FARP1: variants seen among roughly 807,000 people sequenced by gnomAD.
The protein encoded by FARP1 is FERM, ARH/RhoGEF and pleckstrin domain protein 1.
A neutral mutation model predicts 128.8 loss-of-function variants in FARP1; 52 were observed. The observed-to-expected ratio is 0.40, with a 90% confidence interval of 0.32 to 0.51. FARP1 has a LOEUF of 0.51. FARP1 is among the 20% of genes least tolerant of loss of function. The pLI is 0.45. For synonymous variants in FARP1, 580 were observed against 551.8 expected (o/e 1.05, Z -0.72); for missense variants, 1,333 against 1,367.9 (o/e 0.97, Z 0.40).
intron 3 of FARP1, among the ~76,000 whole-genome samples, chr13:98,360,419 G>T (rs1689871995): frequency 6.6e-6 from 1 of 152,054 alleles, no homozygotes; most frequent in South Asian, 2.1e-4. Context: ...TTAAGTTAAA[G>T]CGAGGCCCTT....
rs1348590930 is a variant in FARP1 at position 98,256,954 on chromosome 13, T to G, written c.171+43541T>G. On this transcript the variant is annotated intron_variant, in intron 2 of 26. Transcript: ENST00000319562. ...TTTTCAAAGTATATATGTGGATATATATATATATATATATATATATATATA... is the reference window on the plus strand; with the variant it reads ...TTTTCAAAGTATATATGTGGATATAGATATATATATATATATATATATATA... Among the ~76,000 whole-genome samples, 10 of 53,392 alleles carry G rather than the reference T, an allele frequency of 1.9e-4. No homozygotes were observed. The East Asian group carries it at 2.9e-3, about 15-fold the overall frequency. 35.0% of individuals were successfully genotyped at this position (53,392 alleles called of 152,430 possible).
chr13:98,192,701 TCTA>T (rs1879317448), intron 1 of FARP1, among the ~76,000 whole-genome samples: 1 of 152,114 alleles, frequency 6.6e-6, no homozygotes, highest in African/African-American at 2.4e-5. Context: ...GACTTGTTAT[TCTA>T]CTTTCAAAAA....
intron 2 of FARP1, chr13:98,244,856 A>G (rs2139463459): frequency 6.9e-7 from 1 of 1,447,918 alleles, no homozygotes; most frequent in Non-Finnish European, 9.0e-7. Context: ...ATGTGATCTC[A>G]GATACGTGAA....
chr13:98,152,121 C>T (rs1448051230), intron 1 of FARP1, among the ~76,000 whole-genome samples: 1 of 152,176 alleles, frequency 6.6e-6, no homozygotes, highest in Non-Finnish European at 1.5e-5. Flanking sequence ...AAGGGGCTCC[C>T]AGTTCATGTC....
At chr13:98,295,105 AT>A in intron 2 of FARP1, among the ~76,000 whole-genome samples, 1 of 25,496 alleles carries the variant, frequency 3.9e-5, no homozygotes, top group South Asian at 1.2e-3. Context: ...ACACACACAC[AT>A]ATATCCCCAG....
intron 1 of FARP1, among the ~76,000 whole-genome samples, chr13:98,207,360 A>G (rs539942198): frequency 6.6e-6 from 1 of 152,162 alleles, no homozygotes; most frequent in Non-Finnish European, 1.5e-5. Context: ...AGGTGCTAAA[A>G]ATTAGAATAT....
chr13:98,337,330 C>T (rs1342846533), intron 2 of FARP1, among the ~76,000 whole-genome samples: 2 of 152,178 alleles, frequency 1.3e-5, no homozygotes, highest in South Asian at 2.1e-4. Context: ...TACAGTGGTG[C>T]CACTGCACTC....
At position 98,143,248 on chromosome 13, in the gene FARP1, A is replaced by C. The variant is rs1339709724; in HGVS notation, c.-268A>C. ...CGCTGGCCCCGGCGTCGAGGCGGCC[A>C]TGGCGACCCGGAGCCCGCTCCCCAC... is the stretch of plus-strand genomic sequence containing the variant. On this transcript the variant is annotated 5_prime_UTR_variant, in exon 1 of 27. An upstream start codon of the reference 5' UTR is lost. Transcript: ENST00000319562. The C allele has an allele frequency of 3.4e-5, 5 of 148,358 alleles. No homozygotes were observed. The highest frequency in any genetic ancestry group is 6.7e-5 in the Admixed American group (1 of 14,956). The allele number at this position is 148,358 out of a possible 1,614,324, so 9.2% of individuals were successfully genotyped here. A position where few individuals can be genotyped will look rare whatever the true frequency, so the allele number is the denominator to read the frequency against.
chr13:98,191,378 GTGT>G (rs1012137527), intron 1 of FARP1, among the ~76,000 whole-genome samples: 17 of 152,326 alleles, frequency 1.1e-4, no homozygotes, highest in African/African-American at 4.1e-4. Flanking sequence ...CTTGTTCATA[GTGT>G]TGTTAAGCTT....
At chr13:98,184,476 T>C (rs1207948216) in intron 1 of FARP1, among the ~76,000 whole-genome samples, 1 of 152,224 alleles carries the variant, frequency 6.6e-6, no homozygotes, top group Non-Finnish European at 1.5e-5. Context: ...TGTAGGAGGT[T>C]ATTTGATTTT....
intron 2 of FARP1, among the ~76,000 whole-genome samples, chr13:98,288,766 C>A (rs1885315136): frequency 6.6e-6 from 1 of 152,150 alleles, no homozygotes; most frequent in African/African-American, 2.4e-5. Flanking sequence ...ATACACACAC[C>A]CCTGCTGGAT....
chr13:98,185,215 A>G (rs939031509), intron 1 of FARP1, among the ~76,000 whole-genome samples: 5 of 148,060 alleles, frequency 3.4e-5, no homozygotes, highest in African/African-American at 1.2e-4. Flanking sequence ...ATTTTAATCC[A>G]TATCTTTATA....
Position 98,243,037 on chromosome 13 carries a change from C to T in FARP1, c.171+29624C>T, listed in dbSNP as rs7992628. ...TCTCCAGACTTGCTGTATTTTATGTCGAAAGGTTTTACTGTTTCCATGAGG... is the reference window on the plus strand; with the variant it reads ...TCTCCAGACTTGCTGTATTTTATGTTGAAAGGTTTTACTGTTTCCATGAGG... On this transcript the variant is annotated intron_variant, in intron 2 of 26. Coordinates refer to ENST00000319562, the MANE Select transcript of FARP1 (RefSeq NM_005766.4). 3.2e-3 allele frequency among the ~76,000 whole-genome samples: 484 copies of T among 152,252 alleles called. 6 individuals are homozygous for T. The highest frequency in any genetic ancestry group is 0.011 in the African/African-American group (446 of 41,546).
intron 2 of FARP1, among the ~76,000 whole-genome samples, chr13:98,246,434 T>C (rs985865528): frequency 2.0e-5 from 3 of 152,056 alleles, no homozygotes; most frequent in Non-Finnish European, 4.4e-5. Flanking sequence ...TCAGCAAAAA[T>C]AAGCTTAGTC....
intron 2 of FARP1, chr13:98,331,834 CT>C (rs1248802803): frequency 1.3e-5 from 2 of 152,228 alleles, no homozygotes; most frequent in Admixed American, 1.3e-4. Context: ...CCTAGAACCC[CT>C]GCCTTCCCCT....
At chr13:98,248,378 C>G (rs141485486) in intron 2 of FARP1, among the ~76,000 whole-genome samples, 1 of 152,110 alleles carries the variant, frequency 6.6e-6, no homozygotes, top group Admixed American at 6.6e-5. Context: ...TGTTTCTCCC[C>G]GGGTAGAGGG....
intron 5 of FARP1, among the ~76,000 whole-genome samples, chr13:98,368,402 G>C (rs1889188605): frequency 6.6e-6 from 1 of 152,172 alleles, no homozygotes; most frequent in African/African-American, 2.4e-5. Flanking sequence ...TTGGTTTCTT[G>C]AAGGTTGTGA....
At chr13:98,240,558 T>G (rs1250661475) in intron 2 of FARP1, among the ~76,000 whole-genome samples, 1 of 152,162 alleles carries the variant, frequency 6.6e-6, no homozygotes, top group Non-Finnish European at 1.5e-5. Flanking sequence ...GATACTTTGT[T>G]GGTGGATGGT....
intron 18 of FARP1, chr13:98,432,274 A>G (rs1393457714): frequency 1.3e-5 from 2 of 152,304 alleles, no homozygotes; most frequent in Non-Finnish European, 2.9e-5. Flanking sequence ...CTGATACTGT[A>G]CCAACGTTCA....
Sources: gnomAD v4.1 joint callset for allele counts (sites outside exome capture counted in the v4.1 genomes callset) on GRCh38, gnomAD v4.1.1 for gene constraint, MANE v1.5 for transcripts, NCBI Gene and HGNC (gene_info 2026-07-23, HGNC 2026-07-21) for gene names.